NFU1: variants seen among roughly 807,000 people sequenced by gnomAD.
The protein encoded by NFU1 is NFU1 iron-sulfur cluster scaffold homolog, mitochondrial.
A neutral mutation model predicts 32.2 loss-of-function variants in NFU1; 30 were observed. The observed-to-expected ratio is 0.93, with a 90% CI of 0.70 to 1.26. The LOEUF is 1.26. Ranked by LOEUF, NFU1 falls within the 50% of genes most tolerant of loss-of-function variation. NFU1 has a pLI of 0.00. For synonymous variants in NFU1, 112 were observed against 104.6 expected, an observed-to-expected ratio of 1.07 and a Z score of -0.43; for missense variants, 306 against 306.6, an observed-to-expected ratio of 1.00 and a Z score of 0.02.
intron 5 of NFU1, among the ~76,000 whole-genome samples, chr2:69,412,069 G>A (rs915757089): frequency 2.0e-5 from 3 of 152,018 alleles, no homozygotes; most frequent in Non-Finnish European, 2.9e-5. Flanking sequence ...TTTTTGGCGG[G>A]GGGACGGAGT....
intron 6 of NFU1, among the ~76,000 whole-genome samples, chr2:69,401,011 T>C (rs1181245246): frequency 6.6e-6 from 1 of 152,174 alleles, no homozygotes; most frequent in Non-Finnish European, 1.5e-5. Context: ...AATTTCCTAA[T>C]AATTATTGTG....
intron 2 of NFU1, chr2:69,430,058 G>A: frequency 3.3e-6 from 1 of 299,648 alleles, no homozygotes; most frequent in Non-Finnish European, 6.6e-6. Flanking sequence ...CACCTAATTT[G>A]AATAGGTACT....
intron 6 of NFU1, among the ~76,000 whole-genome samples, chr2:69,402,282 A>G (rs1009299696): frequency 5.3e-5 from 8 of 152,192 alleles, no homozygotes; most frequent in Non-Finnish European, 8.8e-5. Context: ...ATGTATTGTC[A>G]TATAAACACT....
At chr2:69,412,465 C>A (rs1350510940) in intron 5 of NFU1, among the ~76,000 whole-genome samples, 3 of 151,920 alleles carry the variant, frequency 2.0e-5, no homozygotes, top group African/African-American at 7.3e-5. Context: ...CAGCTCACTG[C>A]AACCTCCGCC....
upstream of NFU1, among the ~76,000 whole-genome samples, chr2:69,438,844 C>T (rs1055205459): frequency 2.7e-5 from 4 of 150,554 alleles, no homozygotes; most frequent in African/African-American, 9.9e-5. Context: ...CTTTTAACTA[C>T]TAGTGATCTT....
chr2:69,402,048 T>A (rs1672539326), intron 6 of NFU1, among the ~76,000 whole-genome samples: 1 of 151,944 alleles, frequency 6.6e-6, no homozygotes, highest in Non-Finnish European at 1.5e-5. Flanking sequence ...CATGCACCAA[T>A]ACCCCCAGCT....
chr2:69,409,031 G>A (rs1435393665), intron 5 of NFU1, among the ~76,000 whole-genome samples: 8 of 151,526 alleles, frequency 5.3e-5, no homozygotes, highest in African/African-American at 9.7e-5. Flanking sequence ...TAGTAGAGAC[G>A]GGGTTACACC....
chr2:69,419,694 T>G, intron 3 of NFU1, 90 bp from the exon 4 acceptor site: 2 of 764,774 alleles, frequency 2.6e-6, no homozygotes, highest in Admixed American at 4.5e-5. Flanking sequence ...TAAAAAATTC[T>G]CCACATATCC....
intron 6 of NFU1, among the ~76,000 whole-genome samples, chr2:69,402,163 G>A (rs764971085): frequency 9.2e-5 from 14 of 152,154 alleles, no homozygotes; most frequent in African/African-American, 1.2e-4. Context: ...CCAAAGTGCC[G>A]GGATTATGGG....
At chr2:69,408,747 T>TAC (rs1672783734) in intron 5 of NFU1, among the ~76,000 whole-genome samples, 1 of 18,006 alleles carries the variant, frequency 5.6e-5, no homozygotes, top group Non-Finnish European at 9.1e-5. Context: ...TATATATATA[T>TAC]ATATATATAT....
At chr2:69,430,624 T>C (rs770195982) in intron 2 of NFU1, among the ~76,000 whole-genome samples, 5 of 152,180 alleles carry the variant, frequency 3.3e-5, no homozygotes, top group Non-Finnish European at 4.4e-5. Context: ...CTAAAATTAA[T>C]GGGTTTCCTA....
Position 69,412,959 on chromosome 2 carries a change from T to C in NFU1, c.484+2226A>G, listed in dbSNP as rs567538144. On this transcript the variant is annotated intron_variant, in intron 5 of 7. Transcript: ENST00000410022. ...GAAAAGTAAATGGCCAATAAACATA[T>C]GAAACTCTTAACACTCAGTATTAAT... 2.6e-5 allele frequency among the ~76,000 whole-genome samples: 4 copies of C among 151,352 alleles called. No individual in the cohort carries two copies. The South Asian group carries it at 6.2e-4, about 24-fold the overall frequency.
chr2:69,423,066 TC>T (rs1317798189), intron 3 of NFU1, among the ~76,000 whole-genome samples: 2 of 151,718 alleles, frequency 1.3e-5, no homozygotes, highest in Non-Finnish European at 2.9e-5. Flanking sequence ...AGCCTCAACC[TC>T]CCAGGCTCAA....
chr2:69,426,835 G>A (rs1272107911), intron 2 of NFU1, among the ~76,000 whole-genome samples: 26 of 149,916 alleles, frequency 1.7e-4, no homozygotes, highest in South Asian at 8.5e-4. Context: ...TTGGGAGGCC[G>A]AGGCGGGCGG....
intron 5 of NFU1, 23 bp downstream of exon 5, chr2:69,415,162 A>T: frequency 7.6e-7 from 1 of 1,307,544 alleles, no homozygotes; most frequent in Non-Finnish European, 1.1e-6. Flanking sequence ...GACAAATTTT[A>T]ATTACTCAAT....
chr2:69,409,238 G>A (rs542209092), intron 5 of NFU1, among the ~76,000 whole-genome samples: 1 of 152,270 alleles, frequency 6.6e-6, no homozygotes, highest in Non-Finnish European at 1.5e-5. Flanking sequence ...ACTGTTTCAT[G>A]TAGTACTAAA....
intron 7 of NFU1, among the ~76,000 whole-genome samples, 164 bp from the exon 8 acceptor site, chr2:69,396,454 A>G (rs949951484): frequency 1.3e-5 from 2 of 152,174 alleles, no homozygotes; most frequent in African/African-American, 4.8e-5. Flanking sequence ...GGTTTGAATC[A>G]TAACCCGGTA....
chr2:69,402,996 C>A (rs557396238), intron 6 of NFU1, among the ~76,000 whole-genome samples: 161 of 147,760 alleles, frequency 1.1e-3, no homozygotes, highest in Admixed American at 2.0e-3. Flanking sequence ...CCCCTCCCTC[C>A]CTCCTTCCTT....
rs1281242397 is a variant in NFU1, at chr2:69,425,745, CAA to C, written c.167-2030_167-2029del. ...GAGTGATCCACCTACCTCAGCCTCC[CAA>C]AGTGTTGGGATTACAGGCATGAGCC... is the stretch of plus-strand genomic sequence containing the variant. On this transcript the variant is annotated intron_variant, in intron 2 of 7. Transcript: ENST00000410022. Among the ~76,000 whole-genome samples the C allele has an allele frequency of 2.6e-5, 4 of 152,036 alleles. No homozygotes were observed. In the East Asian group the frequency reaches 7.8e-4, roughly 29 times the overall value.
Sources: gnomAD v4.1 joint callset for allele counts (sites outside exome capture counted in the v4.1 genomes callset) on GRCh38, gnomAD v4.1.1 for gene constraint, MANE v1.5 for transcripts, NCBI Gene and HGNC (gene_info 2026-07-23, HGNC 2026-07-21) for gene names.